Variants in HDAC11 observed in about 807,000 individuals in gnomAD.
HDAC11 encodes histone deacetylase 11.
HDAC11 carries 23 observed loss-of-function variants against 41.1 expected under a neutral mutation model. That is an observed-to-expected ratio of 0.56 (90% CI 0.40 to 0.79). The LOEUF (loss-of-function observed/expected upper bound fraction) is 0.79, where lower values mean the gene tolerates loss of function less well. Ranked by LOEUF, HDAC11 falls within the 30% of genes least tolerant of loss-of-function variation. HDAC11 has a pLI of 0.00. For missense variants in HDAC11, 402 were observed against 477.3 expected (o/e 0.84, Z 1.47); for synonymous variants, 187 against 186.6 (o/e 1.00, Z -0.02).
chr3:13,483,275 G>A (rs1701406631), intron 2 of HDAC11, among the ~76,000 whole-genome samples, 189 bp from the exon 3 acceptor site: 1 of 152,124 alleles, frequency 6.6e-6, no homozygotes, highest in Non-Finnish European at 1.5e-5. Flanking sequence ...TCCCTGGCCA[G>A]AGGGACTGGC....
intron 2 of HDAC11, among the ~76,000 whole-genome samples, chr3:13,482,708 G>A (rs1701376981): frequency 6.6e-6 from 1 of 152,206 alleles, no homozygotes; most frequent in East Asian, 1.9e-4. Flanking sequence ...GATCACTTGA[G>A]CCCAGAAGTT....
chr3:13,504,058 C>T (rs779081433), intron 8 of HDAC11, 36 bp from the exon 9 acceptor site: 2 of 1,596,632 alleles, frequency 1.3e-6, no homozygotes, highest in Admixed American at 3.4e-5. Context: ...AGTTTCCCTT[C>T]TCTATAAATT....
Position 13,504,939 on chromosome 3 carries a change from C to A in HDAC11, c.*256C>A. On this transcript the variant is annotated 3_prime_UTR_variant, in exon 10 of 10. Transcript: ENST00000295757. ...CACACGAAGTCACCAGCCCATAGGT[C>A]CAGGGAGGCAGGCAGTTAACTGAGA... The A allele has an allele frequency of 1.8e-6, 1 of 565,178 alleles. No homozygotes were observed. The highest frequency in any genetic ancestry group is 3.2e-6 in the Non-Finnish European group (1 of 315,180). The allele number at this position is 565,178 out of a possible 1,614,324, so 35.0% of individuals were successfully genotyped here.
Position 13,496,870 on chromosome 3 carries a change from GC to G in HDAC11, c.369+19del. ...CCATAATGGTAGGTGGGGTGGGGGG[GC>G]ATGGCTGGGCTGGGGGCCCCCACAC... is the stretch of plus-strand genomic sequence containing the variant. On this transcript the variant is annotated intron_variant, in intron 4 of 9. Transcript: ENST00000295757. 6.5e-6 allele frequency: 9 copies of G among 1,384,920 alleles called. No homozygotes were observed. The highest frequency in any genetic ancestry group is 9.0e-6 in the Non-Finnish European group (9 of 1,001,706). The allele number at this position is 1,384,920 out of a possible 1,614,324, so 85.8% of individuals were successfully genotyped here.
intron 2 of HDAC11, among the ~76,000 whole-genome samples, chr3:13,482,942 G>A (rs1275554118): frequency 6.6e-6 from 1 of 151,996 alleles, no homozygotes; most frequent in African/African-American, 2.4e-5. Flanking sequence ...GTAGAGATGC[G>A]GTCTCACTAT....
intron 2 of HDAC11, among the ~76,000 whole-genome samples, chr3:13,482,337 A>C (rs1365706705): frequency 1.3e-5 from 2 of 152,278 alleles, no homozygotes; most frequent in African/African-American, 4.8e-5. Context: ...GTAAAAAAGT[A>C]AATGCAATGA....
Position 13,496,855 on chromosome 3 carries a change from A to G in HDAC11, c.369+3A>G. 5 of 910,132 alleles carry G rather than the reference A, an allele frequency of 5.5e-6. No homozygotes were observed. Among genetic ancestry groups the G allele is most frequent in the Non-Finnish European group, 6.7e-6 (4 of 600,018 alleles). The allele number at this position is 910,132 out of a possible 1,614,324, so 56.4% of individuals were successfully genotyped here. On this transcript the variant is annotated splice_donor_region_variant and intron_variant, in intron 4 of 9. Transcript: ENST00000295757. ...CCCAGACAGGAGGAACCATAATGGT[A>G]GGTGGGGTGGGGGGGCATGGCTGGG...
chr3:13,481,133 A>AG (rs1701295857), intron 1 of HDAC11, 113 bp from the exon 2 acceptor site: 1 of 1,141,084 alleles, frequency 8.8e-7, no homozygotes, highest in Non-Finnish European at 1.2e-6. Flanking sequence ...TCTGCGGCTG[A>AG]GGGGCTAGTG....
chr3:13,493,023 G>A (rs918490596), intron 3 of HDAC11, among the ~76,000 whole-genome samples: 2 of 152,188 alleles, frequency 1.3e-5, no homozygotes, highest in Non-Finnish European at 2.9e-5. Flanking sequence ...TTCTGAGCCT[G>A]TCCACCCCAG....
At chr3:13,498,026 T>G (rs2125009062) in intron 4 of HDAC11, among the ~76,000 whole-genome samples, 1 of 152,122 alleles carries the variant, frequency 6.6e-6, no homozygotes, top group East Asian at 1.9e-4. Flanking sequence ...TGGCTAATTT[T>G]TGTATTTTTA....
At chr3:13,488,342 G>A (rs1313186676) in intron 3 of HDAC11, among the ~76,000 whole-genome samples, 2 of 152,114 alleles carry the variant, frequency 1.3e-5, no homozygotes, top group Non-Finnish European at 2.9e-5. Context: ...CATTCACAAA[G>A]TGCTGCAACC....
intron 3 of HDAC11, among the ~76,000 whole-genome samples, chr3:13,489,587 G>A (rs1180509552): frequency 1.3e-5 from 2 of 152,142 alleles, no homozygotes; most frequent in East Asian, 3.9e-4. Flanking sequence ...GTTTAAGAAA[G>A]GGTTGCATTC....
rs1270092415 is a variant in HDAC11, at chr3:13,502,900, G to A, written c.569G>A (p.Arg190Gln). ...TCCCCACAGGGCAATGGGCATGAGC[G>A]AGACTTCATGGACGACAAGCGTGTG... ...LDAHQGNGHE[R>Q]DFMDDKRVYI... The change falls in exon 8 of 10, where the codon CGA becomes CAA. Residue 190 changes from arginine (R) to glutamine (Q), a missense_variant. Coordinates refer to ENST00000295757, the MANE Select transcript of HDAC11 (RefSeq NM_024827.4). The surrounding 1 kb of genome is among the most constrained non-coding windows in gnomAD (Gnocchi z 4.1). The A allele has an allele frequency of 2.5e-6, 4 of 1,613,474 alleles. No individual in the cohort carries two copies. Among genetic ancestry groups the A allele is most frequent in the South Asian group, 1.1e-5 (1 of 91,072 alleles).
intron 3 of HDAC11, among the ~76,000 whole-genome samples, chr3:13,486,862 A>G (rs781588629): frequency 6.6e-6 from 1 of 152,172 alleles, no homozygotes; most frequent in Non-Finnish European, 1.5e-5. Context: ...TACAGGCATG[A>G]GCCACTGCTC....
chr3:13,489,820 G>A (rs1461475480), intron 3 of HDAC11, among the ~76,000 whole-genome samples: 1 of 152,052 alleles, frequency 6.6e-6, no homozygotes, highest in Non-Finnish European at 1.5e-5. Flanking sequence ...TGCTCACCTC[G>A]GCCTCTCAAA....
intron 3 of HDAC11, among the ~76,000 whole-genome samples, chr3:13,496,263 G>A (rs1559377492): frequency 6.6e-6 from 1 of 152,238 alleles, no homozygotes; most frequent in African/African-American, 2.4e-5. Context: ...AATGCAGTGC[G>A]AGGGAGCCAG....
At chr3:13,500,645 A>C in intron 5 of HDAC11, 68 bp from the exon 6 acceptor site, 1 of 1,274,256 alleles carries the variant, frequency 7.8e-7, no homozygotes. Flanking sequence ...AGGTGAAGGG[A>C]TGGAGGAGCT....
chr3:13,498,473 C>T (rs372837433), intron 4 of HDAC11, 40 bp from the exon 5 acceptor site: 38 of 1,612,748 alleles, frequency 2.4e-5, no homozygotes, highest in South Asian at 3.3e-5. Context: ...ACTGGTGGAT[C>T]GGCTGCCTGC....
intron 3 of HDAC11, among the ~76,000 whole-genome samples, chr3:13,494,644 C>T (rs915642794): frequency 9.9e-5 from 15 of 152,190 alleles, no homozygotes; most frequent in African/African-American, 3.6e-4. Context: ...CCGTGGGCAC[C>T]TCTCCTTCCC....
Sources: allele counts gnomAD v4.1 joint callset (sites outside exome capture counted in the v4.1 genomes callset), GRCh38; gene constraint gnomAD v4.1.1; non-coding constraint Gnocchi (gnomAD v3.1); transcripts MANE v1.5; gene names NCBI Gene and HGNC (gene_info 2026-07-23, HGNC 2026-07-21).